Variants in MAGI2 observed in about 807,000 individuals in gnomAD.
MAGI2 encodes the protein membrane associated guanylate kinase, WW and PDZ domain containing 2.
A neutral mutation model predicts 133.3 loss-of-function variants in MAGI2; 35 were observed. The ratio of observed to expected loss-of-function variants is 0.26; its 90% confidence interval spans 0.20 to 0.35. The LOEUF is 0.35. Ranked by LOEUF, MAGI2 falls within the 10% of genes least tolerant of loss-of-function variation. MAGI2 has a pLI of 1.00. For synonymous variants in MAGI2, 729 were observed against 710.6 expected, an observed-to-expected ratio of 1.03 and a Z score of -0.41; for missense variants, 1,636 against 1,863.4, an observed-to-expected ratio of 0.88 and a Z score of 2.25.
chr7:79,193,456 T>G (rs940746183), intron 1 of MAGI2, among the ~76,000 whole-genome samples: 2 of 151,918 alleles, frequency 1.3e-5, no homozygotes, highest in African/African-American at 4.8e-5. Context: ...CTAGTAAGAA[T>G]GAAATACATA....
chr7:78,770,353 GGTGT>G (rs768622104), intron 2 of MAGI2, among the ~76,000 whole-genome samples: 2 of 152,112 alleles, frequency 1.3e-5, no homozygotes, highest in African/African-American at 4.8e-5. Context: ...AAGAATACCT[GGTGT>G]GTGTCTTTGT....
At chr7:78,571,488 G>C (rs911096345) in intron 3 of MAGI2, among the ~76,000 whole-genome samples, 3 of 152,126 alleles carry the variant, frequency 2.0e-5, no homozygotes, top group African/African-American at 4.8e-5. Flanking sequence ...CCATTTCAAT[G>C]GGTTGTAGGC....
At chr7:79,004,651 T>C (rs1269332433) in intron 2 of MAGI2, among the ~76,000 whole-genome samples, 1 of 152,214 alleles carries the variant, frequency 6.6e-6, no homozygotes, top group Non-Finnish European at 1.5e-5. Context: ...AAGTGATGGA[T>C]ACCTCAAATA....
intron 1 of MAGI2, among the ~76,000 whole-genome samples, chr7:79,397,881 A>C (rs889300998): frequency 3.3e-5 from 5 of 152,144 alleles, no homozygotes; most frequent in African/African-American, 4.8e-5. Flanking sequence ...TCTTAGTTCA[A>C]GATGCCACTT....
chr7:78,920,357 C>T (rs1165656427), intron 2 of MAGI2, among the ~76,000 whole-genome samples: 1 of 152,130 alleles, frequency 6.6e-6, no homozygotes, highest in East Asian at 1.9e-4. Context: ...AGAATAATTT[C>T]TTGAACATGG....
At chr7:79,002,939 T>A (rs563876734) in intron 2 of MAGI2, among the ~76,000 whole-genome samples, 1 of 150,394 alleles carries the variant, frequency 6.6e-6, no homozygotes, top group East Asian at 2.0e-4. Flanking sequence ...TTAGGCGGGC[T>A]CTGAGATAAG....
intron 6 of MAGI2, among the ~76,000 whole-genome samples, chr7:78,424,459 T>A (rs1372054831): frequency 6.6e-6 from 1 of 152,148 alleles, no homozygotes; most frequent in Non-Finnish European, 1.5e-5. Flanking sequence ...TGGAGTCCCC[T>A]GCACAGAGTC....
intron 2 of MAGI2, among the ~76,000 whole-genome samples, chr7:78,886,885 G>T (rs1305647342): frequency 5.3e-5 from 8 of 152,100 alleles, no homozygotes; most frequent in Admixed American, 3.9e-4. Flanking sequence ...GAGGGACCTT[G>T]TAGGAGGTAA....
At chr7:78,914,813 A>G (rs2151622745) in intron 2 of MAGI2, among the ~76,000 whole-genome samples, 1 of 152,258 alleles carries the variant, frequency 6.6e-6, no homozygotes, top group African/African-American at 2.4e-5. Context: ...ATTGACATTT[A>G]AAGGACAAAA....
chr7:78,149,133 C>T (rs184257383), intron 16 of MAGI2, among the ~76,000 whole-genome samples: 40 of 152,228 alleles, frequency 2.6e-4, no homozygotes, highest in African/African-American at 8.9e-4. Context: ...AATTAAATTC[C>T]GGGTCATGCC....
intron 2 of MAGI2, among the ~76,000 whole-genome samples, chr7:78,957,740 G>T (rs1056429261): frequency 5.3e-5 from 8 of 152,118 alleles, no homozygotes. Flanking sequence ...CCAGTCAATG[G>T]TATGGTCAGA....
intron 1 of MAGI2, among the ~76,000 whole-genome samples, chr7:79,051,890 G>T (rs114580349): frequency 0.027 from 4,127 of 152,010 alleles, 194 homozygotes; most frequent in African/African-American, 0.095. Flanking sequence ...TCTATTTGGA[G>T]CCTCACTCTC....
At chr7:79,107,465 A>C (rs1437851461) in intron 1 of MAGI2, among the ~76,000 whole-genome samples, 4 of 152,200 alleles carry the variant, frequency 2.6e-5, no homozygotes, top group Admixed American at 2.0e-4. Context: ...TCTTAATCTC[A>C]GTCTTGTGAC....
intron 6 of MAGI2, among the ~76,000 whole-genome samples, chr7:78,461,359 A>T (rs1361219882): frequency 6.7e-6 from 1 of 150,068 alleles, no homozygotes; most frequent in African/African-American, 2.5e-5. Context: ...TAAAAATACA[A>T]AAAAGAAAAT....
chr7:79,393,857 G>A (rs1337567336), intron 1 of MAGI2, among the ~76,000 whole-genome samples: 1 of 152,108 alleles, frequency 6.6e-6, no homozygotes, highest in East Asian at 1.9e-4. Context: ...AAATGACCCA[G>A]ATGTCCAAAA....
At chr7:78,136,998 A>G (rs1822212274) in intron 16 of MAGI2, among the ~76,000 whole-genome samples, 1 of 151,864 alleles carries the variant, frequency 6.6e-6, no homozygotes, top group Non-Finnish European at 1.5e-5. Context: ...AATGGCTTCA[A>G]TTAAGAACAC....
chr7:78,492,391 T>A (rs911161822), intron 5 of MAGI2, among the ~76,000 whole-genome samples: 1 of 152,144 alleles, frequency 6.6e-6, no homozygotes. Context: ...AGTAATTGTC[T>A]TAAACATCAC....
At chr7:78,078,125 G>C (rs1405314314) in intron 21 of MAGI2, 1 of 151,876 alleles carries the variant, frequency 6.6e-6, no homozygotes, top group East Asian at 1.9e-4. Flanking sequence ...TCAGCAGTTA[G>C]ATCTTGTTTT....
chr7:78,920,686 C>T (rs1799155876), intron 2 of MAGI2, among the ~76,000 whole-genome samples: 1 of 151,960 alleles, frequency 6.6e-6, no homozygotes, highest in South Asian at 2.1e-4. Context: ...TATCTTTCAC[C>T]TTTTTTCCTC....
Sources: gnomAD v4.1 joint callset for allele counts (sites outside exome capture counted in the v4.1 genomes callset) on GRCh38, gnomAD v4.1.1 for gene constraint, MANE v1.5 for transcripts, NCBI Gene and HGNC (gene_info 2026-07-23, HGNC 2026-07-21) for gene names.